Variants in INF2 observed in about 807,000 individuals in gnomAD.
INF2 encodes inverted formin-2.
INF2 carries 43 observed loss-of-function variants against 123.5 expected under a neutral mutation model. That is an observed-to-expected ratio of 0.35 (90% CI 0.27 to 0.45). The LOEUF is 0.45. Ranked by LOEUF, INF2 falls within the 20% of genes least tolerant of loss-of-function variation. INF2 has a pLI of 1.00. For synonymous variants in INF2, 851 were observed against 745.0 expected (o/e 1.14, Z -2.32); for missense variants, 1,453 against 1,682.7 (o/e 0.86, Z 2.39).
chr14:104,697,590 T>C (rs1446446946), intron 1 of INF2, among the ~76,000 whole-genome samples: 1 of 152,220 alleles, frequency 6.6e-6, no homozygotes, highest in East Asian at 1.9e-4. Flanking sequence ...GCCCGGTGGC[T>C]TCCCGAGAGT....
chr14:104,702,150 G>A (rs1369756267), intron 2 of INF2, among the ~76,000 whole-genome samples: 2 of 152,088 alleles, frequency 1.3e-5, no homozygotes, highest in East Asian at 3.9e-4. Flanking sequence ...ACATACACCT[G>A]CCTAGCTCCA....
At chr14:104,697,208 C>T (rs970132243) in intron 1 of INF2, among the ~76,000 whole-genome samples, 2 of 152,202 alleles carry the variant, frequency 1.3e-5, no homozygotes, top group Admixed American at 1.3e-4. Flanking sequence ...TGGTGCTGGC[C>T]GAGGGCATAG....
At chr14:104,704,309 C>A in intron 5 of INF2, 1 of 600,036 alleles carries the variant, frequency 1.7e-6, no homozygotes, top group Non-Finnish European at 2.6e-6. Flanking sequence ...CACGTGGACG[C>A]AAGATGGAGA....
chr14:104,707,895 A>C lies in INF2; in HGVS notation c.1628A>C (p.Asp543Ala). Residue 543 changes from aspartate (D) to alanine (A), a missense_variant, in exon 8 of 23, where the codon GAC becomes GCC. Physicochemically the swap from Asp to Ala is moderately radical, Grantham distance 126. Coordinates refer to ENST00000392634, the MANE Select transcript of INF2 (RefSeq NM_022489.4). ...GMEEVIVAQV[D>A]HGLGSAWVPS... is the part of the protein sequence containing the mutation. ...GAGGAGGTCATCGTGGCCCAGGTGG[A>C]CCATGGCTTGGGCTCAGCATGGGTC... 3 of 1,604,976 alleles carry C rather than the reference A, an allele frequency of 1.9e-6. No homozygotes were observed. The highest frequency in any genetic ancestry group is 2.5e-6 in the Non-Finnish European group (3 of 1,179,598).
At chr14:104,704,291 G>A in intron 5 of INF2, 2 of 844,768 alleles carry the variant, frequency 2.4e-6, no homozygotes, top group Non-Finnish European at 3.4e-6. Flanking sequence ...GGGAACTACA[G>A]GGTGGTTCAC....
At chr14:104,709,746 G>C in intron 12 of INF2, 41 bp downstream of exon 12, 1 of 1,555,582 alleles carries the variant, frequency 6.4e-7, no homozygotes, top group Non-Finnish European at 8.9e-7. Context: ...CTGGGCCCCA[G>C]GTGGGAGGAG....
Position 104,714,345 on chromosome 14 carries a change from G to A in INF2, c.3183G>A (p.Leu1061=). Reference sequence around the variant, plus strand: ...TGACCCCCGGCCCTCAGCCCACCCTGGAGCAGTTGGAGGAGGGTGGTCCAC... The same window carrying A: ...TGACCCCCGGCCCTCAGCCCACCCTAGAGCAGTTGGAGGAGGGTGGTCCAC... ...DAVTPGPQPT[L]EQLEEGGPRP... Residue 1061 remains leucine (L), a synonymous_variant, in exon 21 of 23, where the codon CTG becomes CTA. Transcript: ENST00000392634. 1 of 1,595,200 alleles carries A rather than the reference G, an allele frequency of 6.3e-7. No individual in the cohort carries two copies. The highest frequency in any genetic ancestry group is 2.3e-5 in the East Asian group (1 of 43,804).
intron 6 of INF2, 62 bp downstream of exon 6, chr14:104,706,238 A>C (rs1889775541): frequency 6.7e-7 from 1 of 1,496,054 alleles, no homozygotes; most frequent in African/African-American, 1.4e-5. Context: ...CCTGAGGTCC[A>C]GAGGCTGGGC....
At chr14:104,713,782 C>G (rs1890165822) in intron 20 of INF2, among the ~76,000 whole-genome samples, 176 bp downstream of exon 20, 1 of 152,240 alleles carries the variant, frequency 6.6e-6, no homozygotes, top group Admixed American at 6.5e-5. Flanking sequence ...GCCCTCATCC[C>G]TCCCTCCACT....
upstream of INF2, among the ~76,000 whole-genome samples, chr14:104,686,413 CAGAT>C (rs1389275014): frequency 8.3e-6 from 1 of 120,636 alleles, no homozygotes; most frequent in East Asian, 2.4e-4. Context: ...AATGGATAGG[CAGAT>C]GGATGGATGA....
At chr14:104,713,796 T>G (rs948463737) in intron 20 of INF2, among the ~76,000 whole-genome samples, 190 bp downstream of exon 20, 1 of 152,076 alleles carries the variant, frequency 6.6e-6, no homozygotes, top group Non-Finnish European at 1.5e-5. Flanking sequence ...CTCCACTCAC[T>G]CCAGCTCCTC....
chr14:104,708,593 G>T lies in INF2; in HGVS notation c.1887+6G>T, dbSNP rs938494980. ...CCAGGAAGGAGCCCAAGGAGGTGGG[G>T]ACGGGGAGGGGACTCAGACCGGGGC... On this transcript the variant is annotated splice_donor_region_variant and intron_variant, in intron 9 of 22. Coordinates refer to ENST00000392634, the MANE Select transcript of INF2 (RefSeq NM_022489.4). 1 of 1,612,636 alleles carries T rather than the reference G, an allele frequency of 6.2e-7. No individual in the cohort carries two copies. Among genetic ancestry groups the T allele is most frequent in the Admixed American group, 1.7e-5 (1 of 60,024 alleles).
intron 13 of INF2, among the ~76,000 whole-genome samples, chr14:104,710,412 C>T (rs987197438): frequency 6.6e-6 from 1 of 151,716 alleles, no homozygotes; most frequent in Admixed American, 6.6e-5. Flanking sequence ...CACTCGGGCA[C>T]GTGCACACAC....
chr14:104,685,097 G>C (rs1302478804), upstream of INF2, among the ~76,000 whole-genome samples: 1 of 152,152 alleles, frequency 6.6e-6, no homozygotes, highest in Non-Finnish European at 1.5e-5. Flanking sequence ...TTAGCGAGTA[G>C]GCAAATTTGC....
At chr14:104,687,539 C>T (rs981712073), upstream of INF2, among the ~76,000 whole-genome samples, 1 of 152,130 alleles carries the variant, frequency 6.6e-6, no homozygotes, top group African/African-American at 2.4e-5. The surrounding 1 kb of genome is among the most constrained non-coding windows in gnomAD (Gnocchi z 5.6). Context: ...CCTCTGCACT[C>T]CCTGCCGACC....
At chr14:104,715,727 C>A (rs1890268825) in intron 22 of INF2, 1 of 522,114 alleles carries the variant, frequency 1.9e-6, no homozygotes, top group South Asian at 1.6e-5. Context: ...CTGGCGCTAA[C>A]TGCAGTTCCA....
At position 104,720,280 on chromosome 14, in the gene INF2, C is replaced by G. The variant is rs910366557; in HGVS notation, c.*1487C>G. The G allele has an allele frequency of 6.1e-6, 1 of 163,980 alleles. No individual in the cohort carries two copies. The highest frequency in any genetic ancestry group is 6.5e-5 in the Admixed American group (1 of 15,474). 10.2% of individuals were successfully genotyped at this position (163,980 alleles called of 1,614,324 possible). A position where few individuals can be genotyped will look rare whatever the true frequency, so the allele number is the denominator to read the frequency against. On this transcript the variant is annotated 3_prime_UTR_variant, in exon 23 of 23. Transcript: ENST00000392634. The stretch of plus-strand genomic sequence containing the variant: ...TGTCTGCTCTTCTGTCCATGGACAT[C>G]TGGGTTGCTTCCAGTTTGGGGCTTC...
chr14:104,683,484 A>C (rs995535756), intron 1 of INF2, among the ~76,000 whole-genome samples: 17 of 146,366 alleles, frequency 1.2e-4, no homozygotes, highest in Non-Finnish European at 1.0e-4. Flanking sequence ...TCAGGGAAAG[A>C]TGGGAGGGTA....
At chr14:104,706,720 G>T (rs1428105011) in intron 6 of INF2, among the ~76,000 whole-genome samples, 190 bp from the exon 7 acceptor site, 2 of 152,138 alleles carry the variant, frequency 1.3e-5, no homozygotes, top group Non-Finnish European at 2.9e-5. Context: ...CAGTGGTTCT[G>T]TTTAACATCC....
Sources: allele counts gnomAD v4.1 joint callset (sites outside exome capture counted in the v4.1 genomes callset), GRCh38; gene constraint gnomAD v4.1.1; non-coding constraint Gnocchi (gnomAD v3.1); transcripts MANE v1.5; gene names NCBI Gene and HGNC (gene_info 2026-07-23, HGNC 2026-07-21).